ESR1: variants seen among roughly 807,000 people sequenced by gnomAD.
The protein encoded by ESR1 is estrogen receptor.
ESR1 carries 12 observed loss-of-function variants against 52.7 expected under a neutral mutation model. The ratio of observed to expected loss-of-function variants is 0.23; its 90% CI spans 0.15 to 0.37. The LOEUF (loss-of-function observed/expected upper bound fraction) is 0.37. Among genes scored for constraint, ESR1 ranks in the 10% least tolerant of loss-of-function variants. The pLI is 1.00. For missense variants in ESR1, 584 were observed against 779.7 expected (o/e 0.75, Z 2.99); for synonymous variants, 305 against 316.8 (o/e 0.96, Z 0.39).
Position 151,907,747 on chromosome 6 carries a change from C to T in ESR1, c.760+26976C>T, listed in dbSNP as rs560383408. 1.1e-4 allele frequency among the ~76,000 whole-genome samples: 17 copies of T among 152,226 alleles called. No individual in the cohort carries two copies. In the South Asian group the frequency reaches 3.5e-3, roughly 32 times the overall value. On this transcript the variant is annotated intron_variant, in intron 3 of 7. Transcript: ENST00000206249. ...AATCCTTGCACGCCACAGTAATTAT[C>T]TCACTGGGCCAAAAGATAGGTACTT... is the stretch of plus-strand genomic sequence containing the variant.
At chr6:152,074,558 C>G (rs945440502) in intron 6 of ESR1, among the ~76,000 whole-genome samples, 2 of 152,222 alleles carry the variant, frequency 1.3e-5, no homozygotes, top group African/African-American at 4.8e-5. Flanking sequence ...TGTAAACACC[C>G]ATGTGCAGGT....
chr6:151,903,105 A>G (rs1265267624), intron 3 of ESR1, among the ~76,000 whole-genome samples: 1 of 152,120 alleles, frequency 6.6e-6, no homozygotes, highest in Non-Finnish European at 1.5e-5. Context: ...GACAGAATGT[A>G]TTTTGTCCCG....
In ESR1 at chr6:152,102,780, A is replaced by T. The variant is rs2051000620; in HGVS notation, c.*3814A>T. 4.5e-6 allele frequency: 1 copy of T among 221,188 alleles called. No homozygotes were observed. Among genetic ancestry groups the T allele is most frequent in the Non-Finnish European group, 9.1e-6 (1 of 110,324 alleles). 13.7% of individuals were successfully genotyped at this position (221,188 alleles called of 1,614,324 possible). On this transcript the variant is annotated 3_prime_UTR_variant, in exon 8 of 8. Coordinates refer to ENST00000206249, the MANE Select transcript of ESR1 (RefSeq NM_000125.4). ...GAAAAATTTCTATTCTTTTTTTTGC[A>T]TCCAATTGTGCCTGAACTTTTAAAA...
intron 5 of ESR1, among the ~76,000 whole-genome samples, chr6:152,015,130 A>G (rs2043071883): frequency 6.6e-6 from 1 of 152,160 alleles, no homozygotes; most frequent in African/African-American, 2.4e-5. Flanking sequence ...AAGTGTCTCA[A>G]ACGCAAATTT....
At chr6:151,714,504 A>G (rs1780869993) in intron 2 of ESR1, among the ~76,000 whole-genome samples, 1 of 152,158 alleles carries the variant, frequency 6.6e-6, no homozygotes, top group African/African-American at 2.4e-5. Flanking sequence ...AACTTGCTTT[A>G]TGAATCTGGG....
intron 5 of ESR1, among the ~76,000 whole-genome samples, chr6:152,044,158 C>G (rs1323852676): frequency 6.6e-6 from 1 of 152,166 alleles, no homozygotes; most frequent in Non-Finnish European, 1.5e-5. Flanking sequence ...TCACTAAACT[C>G]CTTGCCTCTC....
intron 1 of ESR1, among the ~76,000 whole-genome samples, chr6:151,658,126 C>A (rs1777518516): frequency 6.6e-6 from 1 of 152,200 alleles, no homozygotes; most frequent in African/African-American, 2.4e-5. Context: ...TCTCCCATCA[C>A]CTGGACGTTA....
chr6:152,064,527 TG>T (rs2047811340), intron 6 of ESR1, among the ~76,000 whole-genome samples: 1 of 152,224 alleles, frequency 6.6e-6, no homozygotes, highest in Admixed American at 6.5e-5. Context: ...TTTGGTTAGT[TG>T]GTTGATTTCA....
chr6:151,957,043 A>AT (rs11398094), intron 4 of ESR1, among the ~76,000 whole-genome samples: 81,911 of 149,948 alleles, frequency 0.55, 24,378 homozygotes, highest in Middle Eastern at 0.7. Context: ...CGCCCGGCTA[A>AT]TTTTTTGTAT....
chr6:151,708,888 G>T (rs140315470), intron 2 of ESR1, among the ~76,000 whole-genome samples: 1 of 151,788 alleles, frequency 6.6e-6, no homozygotes, highest in African/African-American at 2.4e-5. Flanking sequence ...TATCAATATC[G>T]AGATATATAT....
chr6:152,084,166 A>G lies in ESR1; in HGVS notation c.1370-10219A>G, dbSNP rs370357879. ...AAACCATCATTCTAAGCAAACTATC[A>G]TGAGGACATAAAACCAAACACTGCA... On this transcript the variant is annotated intron_variant, in intron 6 of 7. Transcript: ENST00000206249. 3.7e-4 allele frequency among the ~76,000 whole-genome samples: 57 copies of G among 152,144 alleles called. No individual in the cohort carries two copies. In the South Asian group the frequency reaches 0.011, roughly 31 times the overall value.
chr6:151,838,857 G>A (rs1397841519), intron 1 of ESR1, among the ~76,000 whole-genome samples: 5 of 152,026 alleles, frequency 3.3e-5, no homozygotes, highest in African/African-American at 7.2e-5. Context: ...GTAAGCTGGG[G>A]GTCATCTTAG....
At chr6:152,055,463 C>T (rs2047022114) in intron 5 of ESR1, among the ~76,000 whole-genome samples, 3 of 152,290 alleles carry the variant, frequency 2.0e-5, no homozygotes, top group Admixed American at 2.0e-4. Flanking sequence ...CTTCTGCTGT[C>T]ACCCTTTGCC....
chr6:151,942,457 G>C lies in ESR1; in HGVS notation c.761-1716G>C, dbSNP rs886381875. On this transcript the variant is annotated intron_variant, in intron 3 of 7. Transcript: ENST00000206249. ...GTGAGAACTAAATTAGTTCTAAAGT[G>C]CTTCCATGTAAAGTGTATGTAAATG... is the stretch of plus-strand genomic sequence containing the variant. Among the ~76,000 whole-genome samples, 5 of 152,046 alleles carry C rather than the reference G, an allele frequency of 3.3e-5. No homozygotes were observed. In the East Asian group the frequency reaches 7.7e-4, roughly 23 times the overall value.
chr6:151,704,847 A>G (rs1780061101), intron 2 of ESR1, among the ~76,000 whole-genome samples: 2 of 152,064 alleles, frequency 1.3e-5, no homozygotes, highest in Non-Finnish European at 2.9e-5. Context: ...TGGCAATGAT[A>G]TGACAGGACA....
At chr6:151,757,929 C>T (rs899625701) in intron 2 of ESR1, among the ~76,000 whole-genome samples, 6 of 152,152 alleles carry the variant, frequency 3.9e-5, no homozygotes, top group African/African-American at 1.2e-4. Flanking sequence ...AAACAGAGGC[C>T]ATTTCGAGGC....
At chr6:152,092,575 G>A (rs768761117) in intron 6 of ESR1, among the ~76,000 whole-genome samples, 2 of 152,218 alleles carry the variant, frequency 1.3e-5, no homozygotes, top group Non-Finnish European at 2.9e-5. Flanking sequence ...GAGAGGGGAG[G>A]AGAAGGAATT....
intron 1 of ESR1, among the ~76,000 whole-genome samples, chr6:151,682,557 T>C (rs1443363763): frequency 6.6e-6 from 1 of 152,230 alleles, no homozygotes; most frequent in East Asian, 1.9e-4. Flanking sequence ...GTGCAGCTTG[T>C]AAACTTTCAT....
intron 1 of ESR1, among the ~76,000 whole-genome samples, chr6:151,840,531 A>C (rs1055213959): frequency 1.1e-4 from 16 of 152,230 alleles, no homozygotes; most frequent in African/African-American, 3.9e-4. Context: ...TATTATGGCA[A>C]ATGTAGTTTG....
Sources: gnomAD v4.1 joint callset for allele counts (sites outside exome capture counted in the v4.1 genomes callset) on GRCh38, gnomAD v4.1.1 for gene constraint, MANE v1.5 for transcripts, NCBI Gene and HGNC (gene_info 2026-07-23, HGNC 2026-07-21) for gene names.